The following GABRB1 variants were observed in gnomAD, a reference collection of about 807,000 sequenced individuals.
GABRB1 encodes gamma-aminobutyric acid type A receptor subunit beta1, also known as gamma-aminobutyric acid receptor subunit beta-1.
Under a neutral mutation model 51.6 loss-of-function variants are expected in GABRB1, and 17 were observed. The ratio of observed to expected loss-of-function variants is 0.33; its 90% CI spans 0.23 to 0.49. GABRB1 has a LOEUF of 0.49. Among genes scored for constraint, GABRB1 ranks in the 20% least tolerant of loss-of-function variants. GABRB1 has a pLI of 0.99. For synonymous variants in GABRB1, 247 were observed against 218.9 expected (o/e 1.13, Z -1.14); for missense variants, 410 against 600.6 (o/e 0.68, Z 3.32).
At chr4:47,125,358 T>C (rs1466985190) in intron 3 of GABRB1, among the ~76,000 whole-genome samples, 1 of 152,020 alleles carries the variant, frequency 6.6e-6, no homozygotes, top group Non-Finnish European at 1.5e-5. Flanking sequence ...AATTATTTTA[T>C]GCTATTAATT....
At chr4:47,054,796 G>T (rs1391882080) in intron 3 of GABRB1, among the ~76,000 whole-genome samples, 2 of 152,108 alleles carry the variant, frequency 1.3e-5, no homozygotes, top group Non-Finnish European at 2.9e-5. Flanking sequence ...AGTTGGCCAG[G>T]CTGGTCTCCA....
intron 4 of GABRB1, among the ~76,000 whole-genome samples, chr4:47,171,848 C>T (rs988343960): frequency 1.3e-4 from 19 of 151,948 alleles, no homozygotes; most frequent in African/African-American, 3.6e-4. Flanking sequence ...TTTTTGAGCA[C>T]GATATTAAAG....
chr4:47,104,222 A>G (rs1292753697), intron 3 of GABRB1, among the ~76,000 whole-genome samples: 1 of 151,576 alleles, frequency 6.6e-6, no homozygotes, highest in Non-Finnish European at 1.5e-5. Context: ...CTTTCTCTTC[A>G]TTTTCTTCTG....
intron 3 of GABRB1, among the ~76,000 whole-genome samples, chr4:47,038,362 G>T (rs933699510): frequency 6.6e-6 from 1 of 152,160 alleles, no homozygotes; most frequent in African/African-American, 2.4e-5. Context: ...AAGAAGCAAT[G>T]ATCTTCAAAA....
intron 3 of GABRB1, among the ~76,000 whole-genome samples, chr4:47,076,464 T>A (rs909667639): frequency 6.6e-6 from 1 of 152,078 alleles, no homozygotes; most frequent in South Asian, 2.1e-4. Flanking sequence ...CCAGCCCCAG[T>A]CCAGGCTCTT....
intron 5 of GABRB1, among the ~76,000 whole-genome samples, chr4:47,359,047 A>G (rs1726701868): frequency 1.3e-5 from 2 of 152,150 alleles, no homozygotes; most frequent in South Asian, 4.1e-4. Context: ...CACAAGCAAT[A>G]GGACAAGAAC....
chr4:47,292,459 T>C (rs538774353), intron 4 of GABRB1, among the ~76,000 whole-genome samples: 1 of 152,364 alleles, frequency 6.6e-6, no homozygotes, highest in African/African-American at 2.4e-5. Flanking sequence ...TACTTTACTG[T>C]TGTTACTTAA....
At chr4:47,148,572 A>G (rs1282759567) in intron 3 of GABRB1, among the ~76,000 whole-genome samples, 5 of 152,172 alleles carry the variant, frequency 3.3e-5, no homozygotes. Context: ...GAGAAGCGGT[A>G]AAATACTTTG....
At chr4:47,233,284 T>C (rs191452405) in intron 4 of GABRB1, among the ~76,000 whole-genome samples, 57 of 152,296 alleles carry the variant, frequency 3.7e-4, no homozygotes, top group African/African-American at 1.3e-3. Flanking sequence ...AAAATGAAGC[T>C]AATTGCATCA....
At position 47,306,260 on chromosome 4, in the gene GABRB1, A is replaced by G. The variant is rs1475683932; in HGVS notation, c.462-13867A>G. On this transcript the variant is annotated intron_variant, in intron 4 of 8. Transcript: ENST00000295454. ...AAAATAAATAACACAATTGACAAGA[A>G]AAAAAAAAAAAGAAGGGAAGGGGAG... is the stretch of plus-strand genomic sequence containing the variant. Among the ~76,000 whole-genome samples the G allele has an allele frequency of 6.8e-3, 3 of 442 alleles. No individual in the cohort carries two copies. In the Non-Finnish European group the frequency reaches 0.11, roughly 16 times the overall value. 0.3% of individuals were successfully genotyped at this position (442 alleles called of 152,430 possible).
At chr4:47,398,028 C>T (rs933098395) in intron 5 of GABRB1, among the ~76,000 whole-genome samples, 1 of 152,034 alleles carries the variant, frequency 6.6e-6, no homozygotes, top group East Asian at 1.9e-4. Flanking sequence ...CAAAAATATG[C>T]TATGCCTTTT....
At chr4:47,242,546 C>A (rs557378162) in intron 4 of GABRB1, among the ~76,000 whole-genome samples, 1 of 152,300 alleles carries the variant, frequency 6.6e-6, no homozygotes, top group East Asian at 1.9e-4. Context: ...TCTCCAGCAC[C>A]TGTTGTTTCC....
At chr4:47,343,917 T>C (rs1350672405) in intron 5 of GABRB1, among the ~76,000 whole-genome samples, 1 of 152,212 alleles carries the variant, frequency 6.6e-6, no homozygotes, top group Non-Finnish European at 1.5e-5. Flanking sequence ...ATCTAGTTAA[T>C]GTCAAAGACC....
At chr4:47,260,150 C>T (rs1382152652) in intron 4 of GABRB1, among the ~76,000 whole-genome samples, 1 of 152,158 alleles carries the variant, frequency 6.6e-6, no homozygotes, top group Non-Finnish European at 1.5e-5. Context: ...ATTGCAACCC[C>T]TACCTTTTTT....
At chr4:47,312,000 G>A (rs1234263971) in intron 4 of GABRB1, among the ~76,000 whole-genome samples, 2 of 151,272 alleles carry the variant, frequency 1.3e-5, no homozygotes, top group Admixed American at 6.6e-5. Flanking sequence ...CCCCTTCCCA[G>A]TATTCCAAGT....
chr4:47,129,706 A>G (rs889753876), intron 3 of GABRB1, among the ~76,000 whole-genome samples: 1 of 152,204 alleles, frequency 6.6e-6, no homozygotes, highest in African/African-American at 2.4e-5. Flanking sequence ...GGAAAAAGAA[A>G]TACTTAAACC....
intron 4 of GABRB1, among the ~76,000 whole-genome samples, chr4:47,250,213 T>C (rs1410998612): frequency 6.6e-6 from 1 of 152,190 alleles, no homozygotes; most frequent in Non-Finnish European, 1.5e-5. Context: ...TATATGATGC[T>C]TAGTTTTGCT....
chr4:47,223,263 A>G (rs544762279), intron 4 of GABRB1, among the ~76,000 whole-genome samples: 4 of 152,200 alleles, frequency 2.6e-5, no homozygotes, highest in African/African-American at 4.8e-5. Flanking sequence ...TTATTTTACT[A>G]AAAGATATCC....
At position 47,124,405 on chromosome 4, in the gene GABRB1, G is replaced by A. The variant is rs374270029; in HGVS notation, c.241-36844G>A. On this transcript the variant is annotated intron_variant, in intron 3 of 8. Transcript: ENST00000295454. The stretch of plus-strand genomic sequence containing the variant: ...AACTAATCTGTAAAGACAGGAAGAG[G>A]TGTTTGGTCTTTCAAATACACAAAC... Among the ~76,000 whole-genome samples, 42 of 152,182 alleles carry A rather than the reference G, an allele frequency of 2.8e-4. 1 individual carries two copies. The highest frequency in any genetic ancestry group is 9.6e-4 in the African/African-American group (40 of 41,530).
Sources: allele counts gnomAD v4.1 joint callset (sites outside exome capture counted in the v4.1 genomes callset), GRCh38; gene constraint gnomAD v4.1.1; transcripts MANE v1.5; gene names NCBI Gene and HGNC (gene_info 2026-07-23, HGNC 2026-07-21).